Variants in MCTP1 observed in about 807,000 individuals in gnomAD.
MCTP1 encodes multiple C2 and transmembrane domain containing 1, also known as multiple C2 and transmembrane domain-containing protein 1.
In MCTP1, 69 loss-of-function variants were observed where a neutral mutation model predicts 120.6. The observed-to-expected ratio is 0.57, with a 90% CI of 0.47 to 0.70. MCTP1 has a LOEUF of 0.70. Ranked by LOEUF, MCTP1 falls within the 30% of genes least tolerant of loss-of-function variation. The pLI is 0.00. For missense variants in MCTP1, 1,203 were observed against 1,248.8 expected (o/e 0.96, Z 0.55); for synonymous variants, 529 against 493.1 (o/e 1.07, Z -0.96).
chr5:95,202,307 C>T (rs6896478), intron 1 of MCTP1, among the ~76,000 whole-genome samples: 21,774 of 152,212 alleles, frequency 0.14, 1,557 homozygotes, highest in Middle Eastern at 0.19. Context: ...CTTAGGTTCT[C>T]AGGCTTTTGG....
chr5:94,794,397 C>G (rs1779587120), intron 18 of MCTP1, among the ~76,000 whole-genome samples: 1 of 152,202 alleles, frequency 6.6e-6, no homozygotes, highest in African/African-American at 2.4e-5. Flanking sequence ...ACAGGGGCAC[C>G]TGGGATAGAA....
At chr5:94,841,256 GTACT>G (rs1202368552) in intron 17 of MCTP1, among the ~76,000 whole-genome samples, 1 of 152,154 alleles carries the variant, frequency 6.6e-6, no homozygotes, top group Non-Finnish European at 1.5e-5. Context: ...TGCCAAGAAA[GTACT>G]TATGTTGACA....
chr5:94,957,918 A>T (rs975457972), intron 2 of MCTP1, among the ~76,000 whole-genome samples: 4 of 152,214 alleles, frequency 2.6e-5, no homozygotes, highest in Admixed American at 1.3e-4. Context: ...GACTAAGTGG[A>T]CCTAATAGAC....
chr5:94,819,431 T>C (rs1411972400), intron 17 of MCTP1, among the ~76,000 whole-genome samples: 1 of 152,056 alleles, frequency 6.6e-6, no homozygotes, highest in Non-Finnish European at 1.5e-5. Context: ...ATGCCTGGCC[T>C]AACTACTTCA....
chr5:94,784,867 A>G (rs1406410332), intron 18 of MCTP1: 14 of 152,208 alleles, frequency 9.2e-5, no homozygotes, highest in Admixed American at 8.5e-4. Flanking sequence ...ACACTCAAAT[A>G]CAATTATTCT....
rs1754144869 is a variant in MCTP1, at chr5:94,704,725, C to T, written c.*2771G>A. The T allele has an allele frequency of 6.7e-6, 1 of 149,656 alleles. No homozygotes were observed. Among genetic ancestry groups the T allele is most frequent in the Non-Finnish European group, 1.5e-5 (1 of 67,480 alleles). The allele number at this position is 149,656 out of a possible 1,614,324, so 9.3% of individuals were successfully genotyped here. ...CAGTTGGTATTCGATAAATATATCA[C>T]AGAGTCCTTTTAAGAATCTCCCAAC... On this transcript the variant is annotated 3_prime_UTR_variant, in exon 23 of 23. Coordinates refer to ENST00000515393, the MANE Select transcript of MCTP1 (RefSeq NM_024717.7).
chr5:95,077,215 C>A (rs1357775239), intron 1 of MCTP1, among the ~76,000 whole-genome samples: 1 of 152,052 alleles, frequency 6.6e-6, no homozygotes, highest in Non-Finnish European at 1.5e-5. Flanking sequence ...CTTAAGAGTA[C>A]CTTTCTTTTT....
intron 2 of MCTP1, among the ~76,000 whole-genome samples, chr5:95,014,337 G>T (rs1836657034): frequency 6.6e-6 from 1 of 152,104 alleles, no homozygotes; most frequent in African/African-American, 2.4e-5. Context: ...TTTGGAAGAA[G>T]TTGATTTTAA....
chr5:95,122,298 T>G (rs773841971), intron 1 of MCTP1, among the ~76,000 whole-genome samples: 1 of 152,054 alleles, frequency 6.6e-6, no homozygotes, highest in African/African-American at 2.4e-5. Context: ...AACGACTCTA[T>G]AGGAAAAGAA....
intron 1 of MCTP1, among the ~76,000 whole-genome samples, chr5:95,018,590 G>C (rs1837586253): frequency 1.3e-5 from 2 of 151,468 alleles, no homozygotes; most frequent in African/African-American, 4.8e-5. Flanking sequence ...GCACAGCTTT[G>C]ATTGACAACC....
chr5:94,969,047 G>A (rs980717993), intron 2 of MCTP1, among the ~76,000 whole-genome samples: 1 of 151,938 alleles, frequency 6.6e-6, no homozygotes, highest in African/African-American at 2.4e-5. Flanking sequence ...AAATTCCATG[G>A]TCTAAAAGTT....
At chr5:95,254,007 C>T (rs1757636476) in intron 1 of MCTP1, among the ~76,000 whole-genome samples, 1 of 152,060 alleles carries the variant, frequency 6.6e-6, no homozygotes. Context: ...TTTATCACTG[C>T]TAAAAATTTA....
intron 10 of MCTP1, among the ~76,000 whole-genome samples, chr5:94,898,918 A>C (rs1364046671): frequency 6.6e-6 from 1 of 152,130 alleles, no homozygotes; most frequent in Non-Finnish European, 1.5e-5. Flanking sequence ...AAATTCCACA[A>C]TTTGTTGTAA....
chr5:95,171,125 G>A lies in MCTP1; in HGVS notation c.720+112731C>T, dbSNP rs548817372. Among the ~76,000 whole-genome samples the A allele has an allele frequency of 9.9e-5, 15 of 152,110 alleles. No individual in the cohort carries two copies. In the South Asian group the frequency reaches 3.1e-3, roughly 32 times the overall value. The stretch of plus-strand genomic sequence containing the variant: ...GGCCTGGTGGTGACAAAATCACTCA[G>A]CATTTGCTTCTCTGTAAAGGATTAT... On this transcript the variant is annotated intron_variant, in intron 1 of 22. Coordinates refer to ENST00000515393, the MANE Select transcript of MCTP1 (RefSeq NM_024717.7).
chr5:94,897,278 T>A (rs2153410638), intron 10 of MCTP1, among the ~76,000 whole-genome samples: 1 of 151,660 alleles, frequency 6.6e-6, no homozygotes, highest in African/African-American at 2.4e-5. Flanking sequence ...TTTGTCATGT[T>A]GCCCAGGCTG....
rs112310532 is a variant in MCTP1, at chr5:95,133,610, G to C, written c.721-116126C>G. 4.6e-5 allele frequency among the ~76,000 whole-genome samples: 7 copies of C among 152,318 alleles called. No homozygotes were observed. In the East Asian group the frequency reaches 1.4e-3, roughly 29 times the overall value. On this transcript the variant is annotated intron_variant, in intron 1 of 22. Coordinates refer to ENST00000515393, the MANE Select transcript of MCTP1 (RefSeq NM_024717.7). The stretch of plus-strand genomic sequence containing the variant: ...GTGAAGGTTGCAGTGAGCCGAGATC[G>C]TGCCATTGCACTCCAGCCTGGGTAA...
chr5:95,032,564 C>T (rs978842853), intron 1 of MCTP1, among the ~76,000 whole-genome samples: 1 of 151,780 alleles, frequency 6.6e-6, no homozygotes, highest in South Asian at 2.1e-4. Flanking sequence ...AAAACATACC[C>T]GAACCTCTGG....
intron 17 of MCTP1, among the ~76,000 whole-genome samples, chr5:94,847,682 G>GTGTGTATA (rs1169588105): frequency 2.9e-5 from 3 of 102,406 alleles, no homozygotes; most frequent in African/African-American, 1.1e-4. Flanking sequence ...GTGTGTGTGT[G>GTGTGTATA]TATATATATA....
rs1229999848 is a variant in MCTP1, at chr5:94,708,676, A to G, written c.2831-67T>C. On this transcript the variant is annotated intron_variant, in intron 21 of 22. Coordinates refer to ENST00000515393, the MANE Select transcript of MCTP1 (RefSeq NM_024717.7). ...AAGTGTTGTAGTAATTTGAAGATCT[A>G]ACTTGTATGCCTTGACTCAATGAAC... 1.0e-5 allele frequency: 10 copies of G among 981,248 alleles called. No homozygotes were observed. The Admixed American group carries it at 1.1e-4, about 10-fold the overall frequency. 60.8% of individuals were successfully genotyped at this position (981,248 alleles called of 1,614,324 possible). A position where few individuals can be genotyped will look rare whatever the true frequency, so the allele number is the denominator to read the frequency against.
Sources: allele counts gnomAD v4.1 joint callset (sites outside exome capture counted in the v4.1 genomes callset), GRCh38; gene constraint gnomAD v4.1.1; transcripts MANE v1.5; gene names NCBI Gene and HGNC (gene_info 2026-07-23, HGNC 2026-07-21).